Variants in RSRC1 observed in about 807,000 individuals in gnomAD.
RSRC1 encodes arginine and serine rich coiled-coil 1.
RSRC1 carries 39 observed loss-of-function variants against 49.1 expected under a neutral mutation model. The ratio of observed to expected loss-of-function variants is 0.79; its 90% CI spans 0.61 to 1.04. RSRC1 has a LOEUF of 1.04. RSRC1 is among the 50% of genes least tolerant of loss of function. The probability of loss-of-function intolerance (pLI) is 0.00; values close to 1 mark genes in which losing one functional copy is unlikely to be tolerated. For missense variants in RSRC1, 388 were observed against 402.4 expected (o/e 0.96, Z 0.31); for synonymous variants, 143 against 130.8 (o/e 1.09, Z -0.63).
chr3:158,271,220 T>C (rs1393803128), intron 4 of RSRC1, among the ~76,000 whole-genome samples: 1 of 152,170 alleles, frequency 6.6e-6, no homozygotes, highest in Non-Finnish European at 1.5e-5. Flanking sequence ...CATTTTCCTC[T>C]AATAAGGGAT....
At chr3:158,518,142 A>ATTT (rs1317080299) in intron 7 of RSRC1, among the ~76,000 whole-genome samples, 3 of 74,616 alleles carry the variant, frequency 4.0e-5, no homozygotes, top group African/African-American at 1.9e-4. Context: ...ATATATATAT[A>ATTT]TATATATTTT....
At chr3:158,347,622 T>C (rs770327816) in intron 5 of RSRC1, among the ~76,000 whole-genome samples, 3 of 152,148 alleles carry the variant, frequency 2.0e-5, no homozygotes, top group Non-Finnish European at 4.4e-5. Flanking sequence ...CATAGCCCAC[T>C]GCAACCTCAA....
intron 7 of RSRC1, among the ~76,000 whole-genome samples, chr3:158,523,438 C>CA (rs1324877967): frequency 2.0e-5 from 3 of 151,784 alleles, no homozygotes; most frequent in Non-Finnish European, 1.5e-5. Context: ...TAGGGATAGA[C>CA]ATATGAGGGA....
intron 6 of RSRC1, among the ~76,000 whole-genome samples, chr3:158,399,635 A>G (rs1383733394): frequency 6.6e-6 from 1 of 152,200 alleles, no homozygotes; most frequent in Non-Finnish European, 1.5e-5. Context: ...TACTAGCCAC[A>G]TTTCAAGTGT....
intron 7 of RSRC1, among the ~76,000 whole-genome samples, chr3:158,498,410 T>C (rs1180304375): frequency 6.6e-6 from 1 of 152,028 alleles, no homozygotes; most frequent in Middle Eastern, 3.2e-3. Flanking sequence ...TTTGATGGCA[T>C]TGTTTTGTTT....
intron 4 of RSRC1, among the ~76,000 whole-genome samples, chr3:158,221,842 T>A (rs904483306): frequency 6.6e-6 from 1 of 151,538 alleles, no homozygotes; most frequent in African/African-American, 2.4e-5. Context: ...TTAATTTTTT[T>A]AAAAGAGGTA....
At chr3:158,403,817 A>G (rs1340917649) in intron 6 of RSRC1, among the ~76,000 whole-genome samples, 1 of 151,778 alleles carries the variant, frequency 6.6e-6, no homozygotes, top group Non-Finnish European at 1.5e-5. Flanking sequence ...TATAAAATTC[A>G]GCATAGCAAT....
intron 3 of RSRC1, 57 bp from the exon 4 acceptor site, chr3:158,203,015 A>C: frequency 7.3e-7 from 1 of 1,375,118 alleles, no homozygotes; most frequent in Non-Finnish European, 1.0e-6. Flanking sequence ...AAGAGTATTT[A>C]CTTTTCACGA....
chr3:158,271,010 G>A (rs1253064047), intron 4 of RSRC1, among the ~76,000 whole-genome samples: 2 of 152,052 alleles, frequency 1.3e-5, no homozygotes, highest in East Asian at 3.9e-4. Context: ...TTTTATAAAA[G>A]GATTATCCCC....
chr3:158,132,961 A>G (rs1426246660), intron 3 of RSRC1, among the ~76,000 whole-genome samples: 9 of 152,212 alleles, frequency 5.9e-5, no homozygotes, highest in Admixed American at 5.9e-4. Flanking sequence ...TCTAGTTTTG[A>G]GATGAGTGTA....
chr3:158,116,795 G>C (rs4317053), intron 1 of RSRC1, among the ~76,000 whole-genome samples: 102,477 of 151,970 alleles, frequency 0.67, 34,796 homozygotes, highest in East Asian at 0.83. Context: ...AAAATCGCTG[G>C]TACTAGAATG....
intron 6 of RSRC1, among the ~76,000 whole-genome samples, chr3:158,424,684 A>C (rs1735299303): frequency 6.6e-6 from 1 of 151,982 alleles, no homozygotes; most frequent in Non-Finnish European, 1.5e-5. Context: ...CTCTGGTAGA[A>C]TTCGGCTGTG....
intron 7 of RSRC1, among the ~76,000 whole-genome samples, chr3:158,511,085 A>T (rs1350909427): frequency 1.3e-5 from 2 of 150,608 alleles, no homozygotes; most frequent in African/African-American, 4.9e-5. Flanking sequence ...TTACTCCCTA[A>T]AGAATTGGCA....
chr3:158,538,164 T>C (rs754223283), intron 8 of RSRC1, among the ~76,000 whole-genome samples: 3 of 151,868 alleles, frequency 2.0e-5, no homozygotes, highest in Non-Finnish European at 3.0e-5. Context: ...AATTGGCCTG[T>C]TTCCATTAGC....
intron 6 of RSRC1, among the ~76,000 whole-genome samples, chr3:158,397,129 G>A (rs550503508): frequency 6.6e-6 from 1 of 152,262 alleles, no homozygotes; most frequent in African/African-American, 2.4e-5. Context: ...TGATTTGCTA[G>A]TTTATATTAA....
intron 6 of RSRC1, among the ~76,000 whole-genome samples, chr3:158,430,571 G>C (rs569874626): frequency 6.6e-5 from 10 of 151,960 alleles, no homozygotes; most frequent in African/African-American, 1.9e-4. Flanking sequence ...AAAATTCTGC[G>C]TATGTTTAAC....
intron 6 of RSRC1, among the ~76,000 whole-genome samples, chr3:158,399,143 T>C: frequency 8.1e-5 from 1 of 12,346 alleles, no homozygotes; most frequent in Non-Finnish European, 1.6e-4. Flanking sequence ...TTTTTTTTTT[T>C]TTTTTTTTTT....
At chr3:158,245,060 T>C (rs1418063671) in intron 4 of RSRC1, among the ~76,000 whole-genome samples, 2 of 149,970 alleles carry the variant, frequency 1.3e-5, no homozygotes, top group Non-Finnish European at 3.0e-5. Context: ...TCTTGGTTAT[T>C]TCTTGTGTTC....
intron 4 of RSRC1, among the ~76,000 whole-genome samples, chr3:158,287,293 T>C (rs1464997617): frequency 2.0e-5 from 3 of 152,186 alleles, no homozygotes; most frequent in Non-Finnish European, 2.9e-5. Context: ...AAAATTACAT[T>C]TAGATTATTT....
Sources: allele counts gnomAD v4.1 joint callset (sites outside exome capture counted in the v4.1 genomes callset), GRCh38; gene constraint gnomAD v4.1.1; transcripts MANE v1.5; gene names NCBI Gene and HGNC (gene_info 2026-07-23, HGNC 2026-07-21).